SNED1: variants seen among roughly 807,000 people sequenced by gnomAD.
The protein encoded by SNED1 is sushi, nidogen and EGF-like domain-containing protein 1.
SNED1 carries 81 observed loss-of-function variants against 166.7 expected under a neutral mutation model. That is an observed-to-expected ratio of 0.49 (90% confidence interval 0.41 to 0.58). SNED1 has a LOEUF of 0.58. Among genes scored for constraint, SNED1 ranks in the 20% least tolerant of loss-of-function variants. SNED1 has a pLI of 0.00. For synonymous variants in SNED1, 762 were observed against 822.0 expected (o/e 0.93, Z 1.25); for missense variants, 1,604 against 2,000.2 (o/e 0.80, Z 3.78).
In SNED1 at chr2:241,071,580, C is replaced by A. The variant is rs1186097528; in HGVS notation, c.3594C>A (p.Pro1198=). The A allele has an allele frequency of 6.3e-7, 1 of 1,586,024 alleles. No homozygotes were observed. Among genetic ancestry groups the A allele is most frequent in the South Asian group, 1.1e-5 (1 of 87,654 alleles). Residue 1198 remains proline, a synonymous_variant, in exon 25 of 32, where the codon CCC becomes CCA. Transcript: ENST00000310397. ...TTCCTCCTGCCTGCTCTGCAGCCCCCAGGGATGGCGCTGACAGACGCTGGC... is the reference window on the plus strand; with the variant it reads ...TTCCTCCTGCCTGCTCTGCAGCCCCAAGGGATGGCGCTGACAGACGCTGGC... ...EPAHLYIITS[P]RDGADRRWHQ... is the part of the protein sequence containing the mutation.
chr2:241,054,243 A>G (rs973708867), intron 16 of SNED1, among the ~76,000 whole-genome samples: 7 of 152,178 alleles, frequency 4.6e-5, no homozygotes, highest in African/African-American at 1.4e-4. Flanking sequence ...AGAGAATATG[A>G]GCAACCAGCC....
Position 241,093,437 on chromosome 2 carries a change from A to G in SNED1, c.*1801A>G, listed in dbSNP as rs943048358. ...CCTCAGCCACACAGCAAATGCTAAT[A>G]TGCTCCAGTGTTAGCTTAGAAGCCT... is the stretch of plus-strand genomic sequence containing the variant. On this transcript the variant is annotated 3_prime_UTR_variant, in exon 32 of 32. Transcript: ENST00000310397. The G allele has an allele frequency of 8.0e-5, 12 of 149,930 alleles. No homozygotes were observed. The highest frequency in any genetic ancestry group is 1.3e-4 in the Non-Finnish European group (9 of 67,952). 9.3% of individuals were successfully genotyped at this position (149,930 alleles called of 1,614,324 possible).
chr2:241,036,916 G>A lies in SNED1; in HGVS notation c.931+1G>A. The A allele has an allele frequency of 1.2e-6, 2 of 1,608,968 alleles. No individual in the cohort carries two copies. The highest frequency in any genetic ancestry group is 1.7e-6 in the Non-Finnish European group (2 of 1,178,596). On this transcript the variant is annotated splice_donor_variant, in intron 5 of 31. Coordinates refer to ENST00000310397, the MANE Select transcript of SNED1 (RefSeq NM_001080437.3). LOFTEE classifies it high-confidence loss of function. ...TTCACGGGGCGGAGGTGCCACCTGGGTGAGTGACTGGCCCAGGGCGGGACC... is the reference window on the plus strand; with the variant it reads ...TTCACGGGGCGGAGGTGCCACCTGGATGAGTGACTGGCCCAGGGCGGGACC...
Position 240,998,676 on chromosome 2 carries a change from C to T in SNED1, c.-162C>T, listed in dbSNP as rs1005428479. ...CTGCGGAGCTGCGGCGAGAGCGCGG[C>T]CCGGCCGAACGGGCGCGGGACGCGG... On this transcript the variant is annotated 5_prime_UTR_variant, in exon 1 of 32. Transcript: ENST00000310397. Among the ~76,000 whole-genome samples, 5 of 149,676 alleles carry T rather than the reference C, an allele frequency of 3.3e-5. No homozygotes were observed. Among genetic ancestry groups the T allele is most frequent in the African/African-American group, 1.2e-4 (5 of 41,130 alleles).
At chr2:241,000,895 C>T (rs2060057278) in intron 1 of SNED1, among the ~76,000 whole-genome samples, 1 of 152,242 alleles carries the variant, frequency 6.6e-6, no homozygotes, top group African/African-American at 2.4e-5. Context: ...CCCAGGACAC[C>T]TTGCCTGAAG....
chr2:241,079,933 C>T (rs113222490), intron 27 of SNED1, among the ~76,000 whole-genome samples: 9 of 152,158 alleles, frequency 5.9e-5, no homozygotes, highest in South Asian at 2.1e-4. Flanking sequence ...TAATTGTTAA[C>T]GCCACCAAGA....
rs765081435 is a variant in SNED1 at position 241,036,847 on chromosome 2, G to A, written c.863G>A (p.Cys288Tyr). 6.2e-7 allele frequency: 1 copy of A among 1,611,674 alleles called. No individual in the cohort carries two copies. The highest frequency in any genetic ancestry group is 1.1e-5 in the South Asian group (1 of 91,084). Reference protein sequence around the residue: ...CLNGGKCIDDCVTGNPSYTCS... With the variant: ...CLNGGKCIDDYVTGNPSYTCS... ...AACGGCGGCAAGTGCATCGACGACTGCGTCACGGGCAACCCCTCCTACACC... is the reference window on the plus strand; with the variant it reads ...AACGGCGGCAAGTGCATCGACGACTACGTCACGGGCAACCCCTCCTACACC... Residue 288 changes from cysteine to tyrosine, a missense_variant, in exon 5 of 32, where the codon TGC becomes TAC. Transcript: ENST00000310397.
intron 1 of SNED1, among the ~76,000 whole-genome samples, chr2:241,025,358 G>A (rs1477785889): frequency 1.3e-5 from 2 of 152,162 alleles, no homozygotes; most frequent in African/African-American, 4.8e-5. Context: ...TACCAAAAAG[G>A]TTGGGGACCA....
chr2:241,031,432 A>C (rs2061164954), intron 2 of SNED1, among the ~76,000 whole-genome samples: 2 of 152,070 alleles, frequency 1.3e-5, no homozygotes, highest in Admixed American at 1.3e-4. Context: ...CCTAATAAAC[A>C]CTTTTTAAGA....
In SNED1 at chr2:241,078,253, G is replaced by C. The variant is rs551589846; in HGVS notation, c.3917-3424G>C. ...CAAAAATTAGCTGGGCGTGGTGGCG[G>C]GCGCCTGTAGTCCCAGCTCCTCAGG... On this transcript the variant is annotated intron_variant, in intron 27 of 31. Coordinates refer to ENST00000310397, the MANE Select transcript of SNED1 (RefSeq NM_001080437.3). Among the ~76,000 whole-genome samples, 118 of 151,606 alleles carry C rather than the reference G, an allele frequency of 7.8e-4. 2 individuals carry two copies. The East Asian group carries it at 0.017, about 21-fold the overall frequency.
At chr2:241,006,387 A>G (rs1179649051) in intron 1 of SNED1, among the ~76,000 whole-genome samples, 2 of 152,242 alleles carry the variant, frequency 1.3e-5, no homozygotes, top group African/African-American at 4.8e-5. Flanking sequence ...TTGACTATGT[A>G]TCTGTGAACA....
At chr2:241,060,319 A>T (rs1360811715) in intron 16 of SNED1, among the ~76,000 whole-genome samples, 1 of 151,944 alleles carries the variant, frequency 6.6e-6, no homozygotes, top group Admixed American at 6.6e-5. Flanking sequence ...AGTAGCTGGG[A>T]TTACAGGCAC....
Position 241,069,777 on chromosome 2 carries a change from G to A in SNED1, c.3308-143G>A, listed in dbSNP as rs576545108. On this transcript the variant is annotated intron_variant, in intron 23 of 31. Transcript: ENST00000310397. The surrounding 1 kb of genome is among the most constrained non-coding windows in gnomAD (Gnocchi z 4.9). ...TGCTGTACGTGCCAGCCCACACCCC[G>A]CCTCGGCACTGTACCATTCTCCATA... 58 of 944,380 alleles carry A rather than the reference G, an allele frequency of 6.1e-5. No homozygotes were observed. The highest frequency in any genetic ancestry group is 8.2e-5 in the Non-Finnish European group (53 of 645,188). 58.5% of individuals were successfully genotyped at this position (944,380 alleles called of 1,614,324 possible). A position where few individuals can be genotyped will look rare whatever the true frequency, so the allele number is the denominator to read the frequency against.
chr2:241,062,396 A>G (rs564558431), intron 16 of SNED1, among the ~76,000 whole-genome samples: 131 of 152,356 alleles, frequency 8.6e-4, no homozygotes, highest in African/African-American at 3.0e-3. Flanking sequence ...GCTGTGGTGA[A>G]TCATTTAAAA....
intron 1 of SNED1, among the ~76,000 whole-genome samples, chr2:241,021,377 C>T (rs2060769306): frequency 6.6e-6 from 1 of 152,176 alleles, no homozygotes; most frequent in Non-Finnish European, 1.5e-5. Flanking sequence ...TATCCATCAC[C>T]ACAATCCATT....
chr2:241,060,493 C>A (rs1357684404), intron 16 of SNED1, among the ~76,000 whole-genome samples: 1 of 152,086 alleles, frequency 6.6e-6, no homozygotes, highest in Non-Finnish European at 1.5e-5. Flanking sequence ...TAACTATAAA[C>A]TTCTAAAAGA....
intron 2 of SNED1, 64 bp downstream of exon 2, chr2:241,030,635 C>T (rs922372873): frequency 1.6e-5 from 24 of 1,518,890 alleles, no homozygotes; most frequent in East Asian, 2.3e-5. Context: ...TCTCCCCGCA[C>T]CAGGGCTCCC....
At chr2:241,080,409 G>C (rs912374371) in intron 27 of SNED1, among the ~76,000 whole-genome samples, 6 of 152,268 alleles carry the variant, frequency 3.9e-5, no homozygotes, top group African/African-American at 1.4e-4. Flanking sequence ...TCATTGAAAG[G>C]CCTGAAGCTG....
chr2:241,041,665 A>G (rs973897657), intron 8 of SNED1, among the ~76,000 whole-genome samples: 1 of 152,200 alleles, frequency 6.6e-6, no homozygotes, highest in Admixed American at 6.5e-5. Context: ...ACCCTGGGTA[A>G]CAGAATGAGT....
Sources: allele counts gnomAD v4.1 joint callset (sites outside exome capture counted in the v4.1 genomes callset), GRCh38; gene constraint gnomAD v4.1.1; non-coding constraint Gnocchi (gnomAD v3.1); transcripts MANE v1.5; gene names NCBI Gene and HGNC (gene_info 2026-07-23, HGNC 2026-07-21).